TOX2: variants seen among roughly 807,000 people sequenced by gnomAD.
TOX2 encodes the protein granulosa cell HMG box 1.
A neutral mutation model predicts 47.4 loss-of-function variants in TOX2; 15 were observed. That is an observed-to-expected ratio of 0.32 (90% CI 0.21 to 0.49). The LOEUF is 0.49. Among genes scored for constraint, TOX2 ranks in the 20% least tolerant of loss-of-function variants. TOX2 has a pLI of 0.99. For synonymous variants in TOX2, 290 were observed against 296.6 expected (o/e 0.98, Z 0.23); for missense variants, 622 against 673.1 (o/e 0.92, Z 0.84).
intron 2 of TOX2, among the ~76,000 whole-genome samples, chr20:43,975,417 G>T (rs934770776): frequency 1.3e-5 from 2 of 152,106 alleles, no homozygotes; most frequent in Admixed American, 6.5e-5. Flanking sequence ...CAACAGCCTC[G>T]AGAATGAGTA....
At chr20:43,988,288 G>A (rs117124452) in intron 2 of TOX2, among the ~76,000 whole-genome samples, 3,127 of 152,184 alleles carry the variant, frequency 0.021, 204 homozygotes, top group East Asian at 0.17. Context: ...GCTGTGCTGT[G>A]GTGCCAGAAA....
Position 43,934,631 on chromosome 20 carries a change from G to A in TOX2, c.99+19641G>A, listed in dbSNP as rs534116788. Among the ~76,000 whole-genome samples the A allele has an allele frequency of 3.9e-5, 6 of 152,216 alleles. No homozygotes were observed. The South Asian group carries it at 1.2e-3, about 32-fold the overall frequency. On this transcript the variant is annotated intron_variant, in intron 1 of 8. Transcript: ENST00000341197. ...GGGGCTGGGAGGACACTGACTACCA[G>A]GCTCTGGGGTTTGGATTCTGTATGG...
At chr20:44,052,038 G>T (rs1457699702) in intron 4 of TOX2, among the ~76,000 whole-genome samples, 1 of 152,206 alleles carries the variant, frequency 6.6e-6, no homozygotes, top group Admixed American at 6.5e-5. Flanking sequence ...CTTCAGCAAG[G>T]CCATCGGGGT....
At chr20:44,003,736 G>A (rs947134447) in intron 2 of TOX2, among the ~76,000 whole-genome samples, 2 of 152,144 alleles carry the variant, frequency 1.3e-5, no homozygotes, top group African/African-American at 2.4e-5. Flanking sequence ...AACTAACCAC[G>A]GGAGGGACAG....
chr20:43,934,167 G>GAGAGAGAGAGAGAGAGAGAGAGAGAGAGA (rs1325521677), intron 1 of TOX2, among the ~76,000 whole-genome samples: 3 of 149,766 alleles, frequency 2.0e-5, no homozygotes, highest in African/African-American at 7.4e-5. Context: ...GAGAGAGAGA[G>GAGAGAGAGAGAGAGAGAGAGAGAGAGAGA]ACCTGCCCTC....
intron 7 of TOX2, 41 bp downstream of exon 7, chr20:44,066,148 G>T (rs879436355): frequency 5.7e-5 from 85 of 1,488,546 alleles, no homozygotes; most frequent in Non-Finnish European, 7.1e-5. Context: ...GTGACCGTGT[G>T]GGGAGGGGAA....
intron 2 of TOX2, among the ~76,000 whole-genome samples, chr20:44,004,940 G>T (rs1019129305): frequency 1.3e-5 from 2 of 152,192 alleles, no homozygotes; most frequent in Non-Finnish European, 2.9e-5. Flanking sequence ...TAGTCTGAAA[G>T]AGCTAGAAGG....
At chr20:43,960,523 A>C (rs1352954634) in intron 1 of TOX2, among the ~76,000 whole-genome samples, 1 of 152,202 alleles carries the variant, frequency 6.6e-6, no homozygotes, top group African/African-American at 2.4e-5. Flanking sequence ...CGTTGTGACT[A>C]CATCACAGTT....
chr20:43,973,400 G>A lies in TOX2; in HGVS notation c.133G>A (p.Asp45Asn), dbSNP rs199715889. 5 of 1,614,030 alleles carry A rather than the reference G, an allele frequency of 3.1e-6. No individual in the cohort carries two copies. The African/African-American group carries it at 5.3e-5, about 17-fold the overall frequency. ...DGDSAYVGMS[D>N]GNPELLSTSQ... ...TGACAGTGCCTACGTGGGGATGAGT[G>A]ACGGAAACCCAGAGCTCCTGTCAAC... is the stretch of plus-strand genomic sequence containing the variant. The change falls in exon 2 of 9, where the codon GAC becomes AAC. Residue 45 changes from aspartate (D) to asparagine (N), a missense_variant. Asp to Asn is a conservative substitution (Grantham distance 23, BLOSUM62 1). Coordinates refer to ENST00000341197, the MANE Select transcript of TOX2 (RefSeq NM_001098797.2).
intron 4 of TOX2, among the ~76,000 whole-genome samples, chr20:44,053,185 AC>A (rs1455182844): frequency 6.6e-6 from 1 of 152,038 alleles, no homozygotes; most frequent in Non-Finnish European, 1.5e-5. Context: ...GCATCCCAAC[AC>A]CACCCCATCC....
chr20:43,994,233 G>A (rs2070425115), intron 2 of TOX2, among the ~76,000 whole-genome samples: 1 of 152,046 alleles, frequency 6.6e-6, no homozygotes, highest in Non-Finnish European at 1.5e-5. Flanking sequence ...GGGAGGCCAA[G>A]GTGGGTAGAT....
chr20:43,995,285 C>G (rs1033187133), intron 2 of TOX2, among the ~76,000 whole-genome samples: 1 of 152,070 alleles, frequency 6.6e-6, no homozygotes, highest in Non-Finnish European at 1.5e-5. Context: ...GGGGTATTAT[C>G]TGAGATGATT....
chr20:43,921,259 T>TC (rs1210504780), intron 1 of TOX2, among the ~76,000 whole-genome samples: 1 of 152,162 alleles, frequency 6.6e-6, no homozygotes, highest in African/African-American at 2.4e-5. Context: ...GGTCCAGCAG[T>TC]CCCCCTGCTG....
chr20:44,023,740 C>A (rs2071014873), intron 3 of TOX2, among the ~76,000 whole-genome samples: 1 of 152,268 alleles, frequency 6.6e-6, no homozygotes, highest in Non-Finnish European at 1.5e-5. Context: ...CCACCTGGCA[C>A]AGAAGGTCTG....
Position 44,066,766 on chromosome 20 carries a change from G to T in TOX2, c.1393G>T (p.Gly465Ter), listed in dbSNP as rs1361849819. 6 of 1,614,062 alleles carry T rather than the reference G, an allele frequency of 3.7e-6. No homozygotes were observed. Residue 465 changes from glycine to a stop codon, truncating the protein, a stop_gained, in exon 8 of 9, where the codon GGA (glycine) becomes TGA (stop). Transcript: ENST00000341197. LOFTEE classifies it high-confidence loss of function. ...CATCTCTGAGTTCCCCAGCAGCTCG[G>T]GATCCTGCTCACCTGGCCCATCCAA... ...PHISEFPSSSGSCSPGPSNPT... is the reference protein window; with the variant it reads ...PHISEFPSSS
At chr20:44,038,333 C>T (rs2071272909) in intron 3 of TOX2, among the ~76,000 whole-genome samples, 1 of 152,060 alleles carries the variant, frequency 6.6e-6, no homozygotes, top group South Asian at 2.1e-4. Flanking sequence ...GAGGTGGAGG[C>T]TGCAGTGAGC....
chr20:43,972,984 C>G (rs536407253), intron 1 of TOX2, among the ~76,000 whole-genome samples: 1 of 152,366 alleles, frequency 6.6e-6, no homozygotes, highest in East Asian at 1.9e-4. Context: ...ACATGGGATT[C>G]CAGCTCTAGC....
intron 1 of TOX2, among the ~76,000 whole-genome samples, chr20:43,935,056 T>C (rs2069307339): frequency 6.6e-6 from 1 of 152,138 alleles, no homozygotes; most frequent in Non-Finnish European, 1.5e-5. Context: ...TTCTCTACCC[T>C]TCCCATGCAG....
intron 1 of TOX2, among the ~76,000 whole-genome samples, chr20:43,929,458 A>G (rs1334853459): frequency 6.6e-6 from 1 of 152,086 alleles, no homozygotes; most frequent in Non-Finnish European, 1.5e-5. Flanking sequence ...CAGTGACTCC[A>G]TTCCAGTCAC....
Sources: gnomAD v4.1 joint callset for allele counts (sites outside exome capture counted in the v4.1 genomes callset) on GRCh38, gnomAD v4.1.1 for gene constraint, MANE v1.5 for transcripts, NCBI Gene and HGNC (gene_info 2026-07-23, HGNC 2026-07-21) for gene names.